The following ANKRD30A variants were observed in gnomAD, a reference collection of about 807,000 sequenced individuals.
ANKRD30A encodes the protein ankyrin repeat domain 30A.
ANKRD30A carries 170 observed loss-of-function variants against 166.3 expected under a neutral mutation model. The observed-to-expected ratio is 1.02, with a 90% CI of 0.90 to 1.16. The LOEUF is 1.16. Among genes scored for constraint, ANKRD30A ranks in the 50% most tolerant of loss-of-function variants. The pLI is 0.00. For missense variants in ANKRD30A, 1,630 were observed against 1,518.0 expected, an observed-to-expected ratio of 1.07 and a Z score of -1.23; for synonymous variants, 564 against 508.9, an observed-to-expected ratio of 1.11 and a Z score of -1.46.
intron 31 of ANKRD30A, 53 bp downstream of exon 31, chr10:37,201,378 T>C (rs1018136762): frequency 2.2e-6 from 3 of 1,369,268 alleles, no homozygotes; most frequent in Non-Finnish European, 3.0e-6. Flanking sequence ...TTCTCTAAAA[T>C]GATGAGGAAG....
intron 30 of ANKRD30A, among the ~76,000 whole-genome samples, chr10:37,200,344 G>A (rs1174351489): frequency 3.3e-5 from 5 of 152,002 alleles, no homozygotes; most frequent in African/African-American, 1.2e-4. Flanking sequence ...AGTATTGGTT[G>A]AGTAGTCTTT....
chr10:37,171,489 A>T (rs2132619965), intron 21 of ANKRD30A, among the ~76,000 whole-genome samples: 1 of 151,506 alleles, frequency 6.6e-6, no homozygotes, highest in East Asian at 1.9e-4. Context: ...GAAAAATTTT[A>T]GTTTACACTT....
At chr10:37,244,920 C>T in the ANKRD30A span, among the ~76,000 whole-genome samples, 2 of 152,140 alleles carry the variant, frequency 1.3e-5, no homozygotes, top group African/African-American at 4.8e-5. Flanking sequence ...ACAACCATAG[C>T]TTTCTGTTTT....
At position 37,130,167 on chromosome 10, in the gene ANKRD30A, T is replaced by C. The variant is rs1588740476; in HGVS notation, c.337-38T>C. ...ATTTATAATAATTTATATTATAAAT[T>C]ATACAGTTTACAATAATTCTTGCTT... On this transcript the variant is annotated intron_variant, in intron 2 of 35. Transcript: ENST00000361713. The C allele has an allele frequency of 4.4e-6, 6 of 1,350,396 alleles. No individual in the cohort carries two copies. In the African/African-American group the frequency reaches 6.2e-5, roughly 14 times the overall value. The allele number at this position is 1,350,396 out of a possible 1,614,324, so 83.7% of individuals were successfully genotyped here. A position where few individuals can be genotyped will look rare whatever the true frequency, so the allele number is the denominator to read the frequency against.
rs539675648 is a variant in ANKRD30A at position 37,172,061 on chromosome 10, G to T, written c.2258-1651G>T. ...AGTTACACTTATTTATTTAAAAAAT[G>T]GTGACCGGGTGCGGTGGCTCACGTC... On this transcript the variant is annotated intron_variant, in intron 21 of 35. Transcript: ENST00000361713. Among the ~76,000 whole-genome samples the T allele has an allele frequency of 4.9e-5, 7 of 142,034 alleles. No individual in the cohort carries two copies. The East Asian group carries it at 1.4e-3, about 28-fold the overall frequency. The allele number at this position is 142,034 out of a possible 152,430, so 93.2% of individuals were successfully genotyped here.
In ANKRD30A at chr10:37,171,345, G is replaced by C. The variant is rs1261779191; in HGVS notation, c.2257+1621G>C. Among the ~76,000 whole-genome samples the C allele has an allele frequency of 2.1e-5, 3 of 145,580 alleles. 1 individual carries two copies. The highest frequency in any genetic ancestry group is 4.6e-5 in the Non-Finnish European group (3 of 65,600). On this transcript the variant is annotated intron_variant, in intron 21 of 35. Transcript: ENST00000361713. ...TTTTACTGAAGTGGGAGTATTTACTGCTTCATTCACTGTTAGAAATTAAAA... is the reference window on the plus strand; with the variant it reads ...TTTTACTGAAGTGGGAGTATTTACTCCTTCATTCACTGTTAGAAATTAAAA...
chr10:37,256,112 C>T, the ANKRD30A span, among the ~76,000 whole-genome samples: 1 of 152,184 alleles, frequency 6.6e-6, no homozygotes, highest in Non-Finnish European at 1.5e-5. Flanking sequence ...TCTCTGCCCT[C>T]TAGACATTCA....
intron 21 of ANKRD30A, among the ~76,000 whole-genome samples, chr10:37,172,564 T>G (rs1839666032): frequency 6.8e-6 from 1 of 146,318 alleles, no homozygotes; most frequent in Non-Finnish European, 1.5e-5. Flanking sequence ...TTTTTTTTTT[T>G]TTAGTAGAAG....
chr10:37,253,439 A>G, the ANKRD30A span, among the ~76,000 whole-genome samples: 2 of 152,162 alleles, frequency 1.3e-5, no homozygotes, highest in African/African-American at 4.8e-5. Flanking sequence ...ACAATCCATT[A>G]TAGAATATTT....
intron 29 of ANKRD30A, 96 bp downstream of exon 29, chr10:37,197,576 G>T (rs922492359): frequency 1.3e-6 from 2 of 1,574,282 alleles, no homozygotes; most frequent in Non-Finnish European, 1.7e-6. Flanking sequence ...TTTCAACTTT[G>T]ATGATAAGTT....
chr10:37,247,392 A>G, the ANKRD30A span, among the ~76,000 whole-genome samples: 1 of 152,086 alleles, frequency 6.6e-6, no homozygotes, highest in Non-Finnish European at 1.5e-5. Context: ...TGTTCAATGC[A>G]TTTATCTTAT....
chr10:37,165,203 A>C, intron 18 of ANKRD30A, 48 bp downstream of exon 18: 1 of 1,510,190 alleles, frequency 6.6e-7, no homozygotes, highest in East Asian at 2.3e-5. Context: ...GCATGATATG[A>C]AAACATAAAA....
Position 37,126,017 on chromosome 10 carries a change from C to A in ANKRD30A, c.221+9C>A. 1 of 1,611,996 alleles carries A rather than the reference C, an allele frequency of 6.2e-7. No individual in the cohort carries two copies. The highest frequency in any genetic ancestry group is 8.5e-7 in the Non-Finnish European group (1 of 1,179,888). On this transcript the variant is annotated intron_variant, in intron 1 of 35. Coordinates refer to ENST00000361713, the MANE Select transcript of ANKRD30A (RefSeq NM_052997.3). ...CAAGACGCCCAGAAGAGGTACCAGG[C>A]CCTGCCTGAGCCGGGGCTGCAGGAG...
chr10:37,165,870 C>G (rs1171784770), intron 18 of ANKRD30A, among the ~76,000 whole-genome samples: 2 of 152,042 alleles, frequency 1.3e-5, no homozygotes, highest in Non-Finnish European at 2.9e-5. Context: ...CTCTTAGAAA[C>G]AAGCAGCTGC....
At chr10:37,215,689 A>G (rs1451783344) in intron 31 of ANKRD30A, among the ~76,000 whole-genome samples, 1 of 151,508 alleles carries the variant, frequency 6.6e-6, no homozygotes, top group Admixed American at 6.6e-5. Flanking sequence ...AAATTGTTTA[A>G]TGTATTTTGT....
At chr10:37,131,506 A>G (rs1836378515) in intron 3 of ANKRD30A, among the ~76,000 whole-genome samples, 1 of 152,180 alleles carries the variant, frequency 6.6e-6, no homozygotes, top group African/African-American at 2.4e-5. Flanking sequence ...CTTGAAGCCA[A>G]TCTCTTTTAA....
At chr10:37,201,392 A>G (rs1796949297) in intron 31 of ANKRD30A, 67 bp downstream of exon 31, 3 of 1,237,458 alleles carry the variant, frequency 2.4e-6, no homozygotes, top group East Asian at 2.7e-5. Context: ...GAGGAAGGAT[A>G]TGCTCTAATA....
chr10:37,218,541 A>T (rs1263580981), intron 33 of ANKRD30A, among the ~76,000 whole-genome samples: 1 of 151,094 alleles, frequency 6.6e-6, no homozygotes, highest in Non-Finnish European at 1.5e-5. Context: ...AGAGAATATT[A>T]TCAGGAAAAA....
rs527457196 is a variant in ANKRD30A at position 37,153,328 on chromosome 10, T to A, written c.1708-244T>A. Among the ~76,000 whole-genome samples the A allele has an allele frequency of 2.0e-5, 3 of 152,308 alleles. No individual in the cohort carries two copies. In the South Asian group the frequency reaches 6.2e-4, roughly 32 times the overall value. On this transcript the variant is annotated intron_variant, in intron 12 of 35. Coordinates refer to ENST00000361713, the MANE Select transcript of ANKRD30A (RefSeq NM_052997.3). The stretch of plus-strand genomic sequence containing the variant: ...AGTGAATTTTTTTATCAAGGTGATT[T>A]GTTTTTCCTGCTCAGTCACTGAGTT...
Sources: gnomAD v4.1 joint callset for allele counts (sites outside exome capture counted in the v4.1 genomes callset) on GRCh38, gnomAD v4.1.1 for gene constraint, MANE v1.5 for transcripts, NCBI Gene and HGNC (gene_info 2026-07-23, HGNC 2026-07-21) for gene names.